SLC2A13: variants seen among roughly 807,000 people sequenced by gnomAD.
The protein encoded by SLC2A13 is proton myo-inositol cotransporter.
In SLC2A13, 32 loss-of-function variants were observed where a neutral mutation model predicts 64.4. The ratio of observed to expected loss-of-function variants is 0.50; its 90% CI spans 0.37 to 0.67. SLC2A13 has a LOEUF of 0.67. Ranked by LOEUF, SLC2A13 falls within the 30% of genes least tolerant of loss-of-function variation. The probability of loss-of-function intolerance (pLI) is 0.00; values close to 1 mark genes in which losing one functional copy is unlikely to be tolerated. For synonymous variants in SLC2A13, 338 were observed against 327.1 expected (o/e 1.03, Z -0.36); for missense variants, 743 against 829.2 (o/e 0.90, Z 1.28).
At chr12:40,059,745 G>A (rs1266502349) in intron 1 of SLC2A13, among the ~76,000 whole-genome samples, 1 of 151,986 alleles carries the variant, frequency 6.6e-6, no homozygotes, top group Non-Finnish European at 1.5e-5. Flanking sequence ...AATGTGATCG[G>A]ACAAAAAGGG....
intron 7 of SLC2A13, among the ~76,000 whole-genome samples, chr12:39,776,212 G>A (rs1940770462): frequency 6.6e-6 from 1 of 152,260 alleles, no homozygotes; most frequent in African/African-American, 2.4e-5. Context: ...CTTCTCCATT[G>A]TGCGGTTCCT....
chr12:40,009,928 T>C (rs938488946), intron 3 of SLC2A13, among the ~76,000 whole-genome samples: 3 of 152,254 alleles, frequency 2.0e-5, no homozygotes, highest in Non-Finnish European at 2.9e-5. Flanking sequence ...TGTTTCCTTA[T>C]ACATTAGGTT....
chr12:39,874,755 C>T (rs920861425), intron 4 of SLC2A13, among the ~76,000 whole-genome samples: 2 of 151,908 alleles, frequency 1.3e-5, no homozygotes, highest in Non-Finnish European at 2.9e-5. Context: ...AATCACAAAG[C>T]GAAGTTTAAA....
At chr12:39,896,371 T>C (rs1032914651) in intron 4 of SLC2A13, among the ~76,000 whole-genome samples, 690 of 131,752 alleles carry the variant, frequency 5.2e-3, no homozygotes, top group Admixed American at 0.014. Context: ...TATATATGTA[T>C]ACATATATGT....
chr12:39,899,094 G>C (rs956317664), intron 4 of SLC2A13, among the ~76,000 whole-genome samples: 1 of 152,062 alleles, frequency 6.6e-6, no homozygotes, highest in Non-Finnish European at 1.5e-5. Context: ...GAATTCGGCT[G>C]TGAATCCATC....
chr12:40,050,609 C>A (rs1393755994), intron 1 of SLC2A13, among the ~76,000 whole-genome samples: 2 of 152,158 alleles, frequency 1.3e-5, no homozygotes, highest in African/African-American at 4.8e-5. Context: ...CTTATTTAAT[C>A]CTCAGGATAT....
At chr12:39,955,891 A>G (rs915310222) in intron 3 of SLC2A13, among the ~76,000 whole-genome samples, 1 of 152,154 alleles carries the variant, frequency 6.6e-6, no homozygotes. Flanking sequence ...GGGGTGTGGG[A>G]CAGGAGTGGA....
chr12:39,792,571 C>T (rs943202075), intron 7 of SLC2A13, among the ~76,000 whole-genome samples: 3 of 152,132 alleles, frequency 2.0e-5, no homozygotes, highest in Non-Finnish European at 2.9e-5. Flanking sequence ...AAGCCTCTGC[C>T]AGGTGTGTAT....
chr12:39,853,438 G>C (rs1358750389), intron 6 of SLC2A13, among the ~76,000 whole-genome samples: 1 of 151,654 alleles, frequency 6.6e-6, no homozygotes, highest in Non-Finnish European at 1.5e-5. Context: ...AAGCCTGGGA[G>C]AAAAAAAGGG....
chr12:39,816,102 AGGTCTG>A (rs927314427), intron 7 of SLC2A13, among the ~76,000 whole-genome samples: 2 of 152,212 alleles, frequency 1.3e-5, no homozygotes, highest in Non-Finnish European at 2.9e-5. Flanking sequence ...TAGTGAGCTG[AGGTCTG>A]AAACAGTTTC....
At chr12:40,097,020 G>A (rs920619823) in intron 1 of SLC2A13, among the ~76,000 whole-genome samples, 5 of 152,100 alleles carry the variant, frequency 3.3e-5, no homozygotes, top group Non-Finnish European at 7.4e-5. Flanking sequence ...GTTACTAACA[G>A]TGCTAATTTC....
Position 39,795,454 on chromosome 12 carries a change from T to C in SLC2A13, c.1446-30596A>G, listed in dbSNP as rs78902041. Reference sequence around the variant, plus strand: ...AAATATCTTAAACACAGTGATTTTATATTTGTCTAATAAATCCAATACCTC... The same window carrying C: ...AAATATCTTAAACACAGTGATTTTACATTTGTCTAATAAATCCAATACCTC... On this transcript the variant is annotated intron_variant, in intron 7 of 9. Coordinates refer to ENST00000280871, the MANE Select transcript of SLC2A13 (RefSeq NM_052885.4). Among the ~76,000 whole-genome samples the C allele has an allele frequency of 8.2e-3, 1,242 of 152,342 alleles. 46 individuals are homozygous for C. In the East Asian group the frequency reaches 0.12, roughly 15 times the overall value.
intron 4 of SLC2A13, among the ~76,000 whole-genome samples, chr12:39,930,722 T>G (rs537992327): frequency 2.0e-5 from 3 of 152,286 alleles, no homozygotes; most frequent in Non-Finnish European, 2.9e-5. Context: ...TGATAAAAAT[T>G]AAATTCAAAA....
intron 7 of SLC2A13, among the ~76,000 whole-genome samples, chr12:39,812,364 TTTCTTTTCTTTTCTTTTCTTTCTTTCTC>T (rs1942194180): frequency 2.8e-5 from 4 of 145,314 alleles, no homozygotes; most frequent in Non-Finnish European, 6.1e-5. Flanking sequence ...TTTCTTTTCT[TTTCTTTTCTTTTCTTTTCTTTCTTTCTC>T]TCTCTCTTTC....
intron 6 of SLC2A13, among the ~76,000 whole-genome samples, chr12:39,847,340 T>C (rs181017012): frequency 3.9e-4 from 60 of 152,230 alleles, no homozygotes; most frequent in African/African-American, 1.4e-3. Context: ...ACTGGGCACA[T>C]TGTGGCTCCA....
intron 3 of SLC2A13, among the ~76,000 whole-genome samples, chr12:40,011,010 T>C (rs550602184): frequency 6.6e-6 from 1 of 152,270 alleles, no homozygotes; most frequent in Admixed American, 6.5e-5. Context: ...AATGTTAAGT[T>C]ACACTTCCTA....
At chr12:39,873,001 CA>C (rs1464185512) in intron 4 of SLC2A13, among the ~76,000 whole-genome samples, 1 of 152,106 alleles carries the variant, frequency 6.6e-6, no homozygotes, top group East Asian at 1.9e-4. Flanking sequence ...CATAATATTT[CA>C]AAAATCAAAT....
chr12:39,988,136 T>G (rs1357632288), intron 3 of SLC2A13, among the ~76,000 whole-genome samples: 1 of 152,196 alleles, frequency 6.6e-6, no homozygotes, highest in African/African-American at 2.4e-5. Context: ...GACAGTTTTT[T>G]TTAAATAGAT....
At chr12:39,966,607 G>A (rs1946520940) in intron 3 of SLC2A13, among the ~76,000 whole-genome samples, 1 of 152,092 alleles carries the variant, frequency 6.6e-6, no homozygotes, top group South Asian at 2.1e-4. Context: ...TTTGCATCCA[G>A]TGACTGCTAG....
Sources: allele counts gnomAD v4.1 joint callset (sites outside exome capture counted in the v4.1 genomes callset), GRCh38; gene constraint gnomAD v4.1.1; transcripts MANE v1.5; gene names NCBI Gene and HGNC (gene_info 2026-07-23, HGNC 2026-07-21).